Variants in VWA8 observed in about 807,000 individuals in gnomAD.
The protein encoded by VWA8 is von Willebrand factor A domain containing 8, also known as von Willebrand factor A domain-containing protein 8.
A neutral mutation model predicts 241.5 loss-of-function variants in VWA8; 221 were observed. The ratio of observed to expected loss-of-function variants is 0.91; its 90% CI spans 0.82 to 1.02. The LOEUF (loss-of-function observed/expected upper bound fraction) is 1.02. VWA8 is among the 50% of genes least tolerant of loss of function. The pLI is 0.00. For synonymous variants in VWA8, 852 were observed against 827.1 expected (o/e 1.03, Z -0.52); for missense variants, 2,322 against 2,328.7 (o/e 1.00, Z 0.06).
chr13:41,839,257 G>T (rs1054504304), intron 12 of VWA8, among the ~76,000 whole-genome samples: 1 of 152,138 alleles, frequency 6.6e-6, no homozygotes, highest in African/African-American at 2.4e-5. Context: ...GTGATGATGA[G>T]CTTTTTTTCA....
At chr13:41,853,539 C>G (rs1485969022) in intron 12 of VWA8, among the ~76,000 whole-genome samples, 2 of 151,980 alleles carry the variant, frequency 1.3e-5, no homozygotes, top group East Asian at 1.9e-4. Flanking sequence ...TTTTGATTAC[C>G]GATTCAATCT....
At chr13:41,696,931 CTT>C (rs1367431194) in intron 29 of VWA8, among the ~76,000 whole-genome samples, 3 of 152,194 alleles carry the variant, frequency 2.0e-5, no homozygotes, top group Non-Finnish European at 4.4e-5. Flanking sequence ...TTGGTGAGTT[CTT>C]TCAGTCTCAT....
intron 19 of VWA8, 87 bp from the exon 20 acceptor site, chr13:41,778,143 T>C (rs1217993048): frequency 1.6e-5 from 14 of 849,422 alleles, no homozygotes; most frequent in Non-Finnish European, 2.2e-5. Flanking sequence ...TTATAGAATA[T>C]AAATATCTAT....
intron 40 of VWA8, among the ~76,000 whole-genome samples, chr13:41,592,727 C>CA (rs34814466): frequency 0.016 from 2,006 of 127,146 alleles, 39 homozygotes; most frequent in African/African-American, 0.05. Context: ...CTGTTAATTC[C>CA]AAAAAAAAAA....
chr13:41,809,497 T>C (rs565049166), intron 17 of VWA8, among the ~76,000 whole-genome samples: 10 of 152,212 alleles, frequency 6.6e-5, no homozygotes, highest in South Asian at 2.1e-4. Flanking sequence ...AGACCATACA[T>C]TGGGGAAAGG....
At chr13:41,762,182 T>G (rs1318699989) in intron 20 of VWA8, among the ~76,000 whole-genome samples, 5 of 152,130 alleles carry the variant, frequency 3.3e-5, no homozygotes, top group African/African-American at 1.2e-4. Flanking sequence ...CTGGTATGTA[T>G]ACACAAATAT....
intron 42 of VWA8, among the ~76,000 whole-genome samples, chr13:41,583,642 C>CAAAAAA (rs935505646): frequency 7.1e-5 from 3 of 42,118 alleles, no homozygotes; most frequent in Admixed American, 2.6e-4. Flanking sequence ...GACTCCATCT[C>CAAAAAA]AAAAAAAAAA....
At chr13:41,782,548 C>T (rs994291737) in intron 19 of VWA8, among the ~76,000 whole-genome samples, 4 of 152,030 alleles carry the variant, frequency 2.6e-5, no homozygotes, top group Non-Finnish European at 5.9e-5. Context: ...TGTGCAAGAG[C>T]ATTAATGCTC....
At chr13:41,577,289 G>A (rs867456307) in intron 42 of VWA8, among the ~76,000 whole-genome samples, 5 of 152,144 alleles carry the variant, frequency 3.3e-5, no homozygotes, top group Admixed American at 1.3e-4. Context: ...AAAGAATAGC[G>A]AAGGAAATTT....
intron 1 of VWA8, among the ~76,000 whole-genome samples, chr13:41,957,733 A>G (rs964093469): frequency 6.6e-6 from 1 of 152,204 alleles, no homozygotes; most frequent in African/African-American, 2.4e-5. Context: ...ACTCTTCTAT[A>G]ATAAACATAG....
Position 41,671,136 on chromosome 13 carries a change from A to C in VWA8, c.4421T>G (p.Leu1474Arg). Residue 1474 changes from leucine to arginine, a missense_variant, in exon 37 of 45, where the codon CTC (leucine) becomes CGC (arginine). Transcript: ENST00000379310. ...RYIPIPRSESLSPYTTWLSTI... is the reference protein window; with the variant it reads ...RYIPIPRSESRSPYTTWLSTI... ...CGACAGCCATGTGGTATACGGCGAG[A>C]GAGATTCTGATCTGGAAAAAGGAAT... The C allele has an allele frequency of 1.9e-6, 3 of 1,613,766 alleles. No individual in the cohort carries two copies. Among genetic ancestry groups the C allele is most frequent in the South Asian group, 2.2e-5 (2 of 91,066 alleles).
chr13:41,915,549 G>A (rs893872805), intron 2 of VWA8, among the ~76,000 whole-genome samples: 3 of 152,230 alleles, frequency 2.0e-5, no homozygotes, highest in African/African-American at 7.2e-5. Context: ...GAAATATTGT[G>A]TAGTCATTAT....
rs945320519 is a variant in VWA8, at chr13:41,570,724, T to C, written c.5371-18A>G. ...TGCATTGTCTGGAGGTAAAAGAAGT[T>C]GCACAAAAGCCATGGCTGAGAAACT... On this transcript the variant is annotated intron_variant, in intron 43 of 44. Transcript: ENST00000379310. 1.2e-6 allele frequency: 2 copies of C among 1,603,180 alleles called. No individual in the cohort carries two copies. Among genetic ancestry groups the C allele is most frequent in the Non-Finnish European group, 1.7e-6 (2 of 1,171,630 alleles).
chr13:41,893,058 C>T (rs1874920574), intron 4 of VWA8, among the ~76,000 whole-genome samples: 1 of 152,182 alleles, frequency 6.6e-6, no homozygotes, highest in Non-Finnish European at 1.5e-5. Flanking sequence ...ATACTGACCC[C>T]TCACTTAAAA....
intron 2 of VWA8, chr13:41,927,235 A>G (rs980857832): frequency 4.2e-6 from 2 of 479,284 alleles, no homozygotes; most frequent in Non-Finnish European, 8.5e-6. Flanking sequence ...ATTTTTCTCA[A>G]AAGATTCCAA....
intron 17 of VWA8, among the ~76,000 whole-genome samples, chr13:41,805,921 A>G (rs1408001319): frequency 6.6e-6 from 1 of 152,084 alleles, no homozygotes; most frequent in Non-Finnish European, 1.5e-5. Context: ...TGCAGAATAC[A>G]CATTCTTCTC....
intron 37 of VWA8, among the ~76,000 whole-genome samples, chr13:41,657,529 C>T (rs930344653): frequency 1.3e-5 from 2 of 149,296 alleles, no homozygotes; most frequent in Non-Finnish European, 1.5e-5. Context: ...GTCGCCCAGG[C>T]CGGACTGCGG....
intron 12 of VWA8, among the ~76,000 whole-genome samples, chr13:41,836,147 C>T (rs192222816): frequency 3.7e-4 from 56 of 152,150 alleles, no homozygotes; most frequent in Non-Finnish European, 6.2e-4. Context: ...TTATCTATAC[C>T]CTTCCTTGTT....
In VWA8 at chr13:41,892,586, T is replaced by C. The variant is rs991728447; in HGVS notation, c.484-999A>G. On this transcript the variant is annotated intron_variant, in intron 4 of 44. Coordinates refer to ENST00000379310, the MANE Select transcript of VWA8 (RefSeq NM_015058.2). ...CTGAAAATCTTATTCAATCACATAGTTCCAACTACCACCTTTATGCTAATG... is the reference window on the plus strand; with the variant it reads ...CTGAAAATCTTATTCAATCACATAGCTCCAACTACCACCTTTATGCTAATG... 2.6e-5 allele frequency among the ~76,000 whole-genome samples: 4 copies of C among 152,296 alleles called. No individual in the cohort carries two copies. In the East Asian group the frequency reaches 7.7e-4, roughly 29 times the overall value.
Sources: allele counts gnomAD v4.1 joint callset (sites outside exome capture counted in the v4.1 genomes callset), GRCh38; gene constraint gnomAD v4.1.1; transcripts MANE v1.5; gene names NCBI Gene and HGNC (gene_info 2026-07-23, HGNC 2026-07-21).